Variants in SNRNP70 observed in about 807,000 individuals in gnomAD.
SNRNP70 encodes the protein U1 small nuclear ribonucleoprotein 70 kDa.
SNRNP70 carries 8 observed loss-of-function variants against 50.5 expected under a neutral mutation model. The ratio of observed to expected loss-of-function variants is 0.16; its 90% CI spans 0.09 to 0.29. SNRNP70 has a LOEUF of 0.29. Ranked by LOEUF, SNRNP70 falls within the 10% of genes least tolerant of loss-of-function variation. The pLI is 1.00. For synonymous variants in SNRNP70, 320 were observed against 252.9 expected (o/e 1.27, Z -2.52); for missense variants, 529 against 663.5 (o/e 0.80, Z 2.23).
In SNRNP70 at chr19:49,085,539, C is replaced by G. The variant is rs1372891463; in HGVS notation, c.-108C>G. 1 of 455,992 alleles carries G rather than the reference C, an allele frequency of 2.2e-6. No individual in the cohort carries two copies. The highest frequency in any genetic ancestry group is 2.3e-5 in the Admixed American group (1 of 42,572). The allele number at this position is 455,992 out of a possible 1,614,324, so 28.2% of individuals were successfully genotyped here. ...CGGAATCAGACGGACGTGGACGCCC[C>G]CGGAGTGGAAGCCGAAGCAGGAGTT... On this transcript the variant is annotated 5_prime_UTR_variant, in exon 1 of 10. Transcript: ENST00000598441.
chr19:49,107,644 C>G lies in SNRNP70; in HGVS notation c.597C>G (p.Thr199=). 2.5e-6 allele frequency: 4 copies of G among 1,614,108 alleles called. No homozygotes were observed. Among genetic ancestry groups the G allele is most frequent in the Non-Finnish European group, 3.4e-6 (4 of 1,179,986 alleles). The change falls in exon 9 of 10, where the codon ACC becomes ACG. Residue 199 remains threonine, a synonymous_variant. Coordinates refer to ENST00000598441, the MANE Select transcript of SNRNP70 (RefSeq NM_003089.6). This position sits in a 1 kb window ranked among gnomAD's most constrained non-coding sequence, Gnocchi z 6.0. ...PRRLGGGLGG[T]RRGGADVNIR... The stretch of plus-strand genomic sequence containing the variant: ...CCCCAGGAGGAGGCCTCGGTGGTAC[C>G]AGAAGAGGAGGGGCTGATGTGAACA...
rs145334021 is a variant in SNRNP70 at position 49,087,041 on chromosome 19, G to A, written c.147+480G>A. 6.3e-3 allele frequency among the ~76,000 whole-genome samples: 957 copies of A among 151,886 alleles called. 9 individuals carry two copies. Among genetic ancestry groups the A allele is most frequent in the African/African-American group, 0.022 (926 of 41,390 alleles). On this transcript the variant is annotated intron_variant, in intron 2 of 9. Transcript: ENST00000598441. ...TCTCTGCTAAAAATAACAAAAATTAGCCGGACATGGTGCCTGTAATTCCAG... is the reference window on the plus strand; with the variant it reads ...TCTCTGCTAAAAATAACAAAAATTAACCGGACATGGTGCCTGTAATTCCAG...
At chr19:49,096,422 T>G (rs1279868899) in intron 4 of SNRNP70, among the ~76,000 whole-genome samples, 1 of 152,150 alleles carries the variant, frequency 6.6e-6, no homozygotes. Flanking sequence ...ACGTTTCCAT[T>G]TGTCCCAGAT....
Position 49,108,294 on chromosome 19 carries a change from A to G in SNRNP70, c.1165A>G (p.Arg389Gly). ...GGGGGAGCGGGGCAGTGAGCGGGGC[A>G]GGGATGAGGCCCGAGGTGGGGGCGG... ...KRGERGSERG[R>G]DEARGGGGGQ... is the part of the protein sequence containing the mutation. The change falls in exon 10 of 10, where the codon AGG becomes GGG. Residue 389 changes from arginine to glycine, a missense_variant. Coordinates refer to ENST00000598441, the MANE Select transcript of SNRNP70 (RefSeq NM_003089.6). 6.3e-7 allele frequency: 1 copy of G among 1,577,352 alleles called. No individual in the cohort carries two copies. The highest frequency in any genetic ancestry group is 8.6e-7 in the Non-Finnish European group (1 of 1,162,786).
At chr19:49,088,489 G>A (rs1274992201) in intron 2 of SNRNP70, among the ~76,000 whole-genome samples, 5 of 131,466 alleles carry the variant, frequency 3.8e-5, no homozygotes, top group Non-Finnish European at 8.1e-5. Flanking sequence ...GTGAGCCACC[G>A]CACCCGACCT....
At chr19:49,094,900 C>A (rs903192851) in intron 4 of SNRNP70, among the ~76,000 whole-genome samples, 1 of 152,206 alleles carries the variant, frequency 6.6e-6, no homozygotes, top group Non-Finnish European at 1.5e-5. Flanking sequence ...CAAGATGGGA[C>A]CTCGAGTACC....
At chr19:49,102,533 A>G in intron 7 of SNRNP70, 1 of 206,126 alleles carries the variant, frequency 4.9e-6, no homozygotes, top group Admixed American at 5.1e-5. Flanking sequence ...GGAGCCCTTC[A>G]GCCTTCCCTC....
chr19:49,087,334 C>A (rs1422728671), intron 2 of SNRNP70, among the ~76,000 whole-genome samples: 1 of 152,078 alleles, frequency 6.6e-6, no homozygotes, highest in African/African-American at 2.4e-5. Context: ...GCATTGGTTT[C>A]TTTATCTTTA....
At chr19:49,099,814 G>A (rs1348517624) in intron 6 of SNRNP70, among the ~76,000 whole-genome samples, 1 of 152,154 alleles carries the variant, frequency 6.6e-6, no homozygotes, top group Non-Finnish European at 1.5e-5. Context: ...GGGCGAGGCA[G>A]GCAGATCACC....
At chr19:49,101,526 CCCAG>C (rs1365202512) in intron 7 of SNRNP70, 55 bp downstream of exon 7, 47 of 1,217,646 alleles carry the variant, frequency 3.9e-5, no homozygotes, top group Non-Finnish European at 5.7e-5. Flanking sequence ...TCTCTGCTGC[CCCAG>C]CCCCTCCCAG....
rs1159371881 is a variant in SNRNP70, at chr19:49,107,536, T to C, written c.578-89T>C. On this transcript the variant is annotated intron_variant, in intron 8 of 9. Transcript: ENST00000598441. This position sits in a 1 kb window ranked among gnomAD's most constrained non-coding sequence, Gnocchi z 6.0. ...AACACTAAGCCAGGGGCTGCCTTCC[T>C]GCCCTTTGCTCTTGGAGTCGGCTCA... is the stretch of plus-strand genomic sequence containing the variant. 1 of 1,282,580 alleles carries C rather than the reference T, an allele frequency of 7.8e-7. No individual in the cohort carries two copies. The highest frequency in any genetic ancestry group is 1.2e-5 in the South Asian group (1 of 82,500). The allele number at this position is 1,282,580 out of a possible 1,614,324, so 79.4% of individuals were successfully genotyped here.
At chr19:49,101,600 T>C (rs1251738370) in intron 7 of SNRNP70, 129 bp downstream of exon 7, 5 of 482,694 alleles carry the variant, frequency 1.0e-5, no homozygotes, top group Non-Finnish European at 3.9e-6. Flanking sequence ...TCCTCCTCCC[T>C]CTGTTTCTGA....
intron 1 of SNRNP70, 84 bp from the exon 2 acceptor site, chr19:49,086,321 T>A: frequency 7.0e-7 from 1 of 1,434,582 alleles, no homozygotes; most frequent in Non-Finnish European, 9.4e-7. Flanking sequence ...CTCCTGTCTT[T>A]CTTATTTTGA....
chr19:49,094,161 TTTAAAA>T (rs533226011), intron 4 of SNRNP70, among the ~76,000 whole-genome samples: 8 of 152,062 alleles, frequency 5.3e-5, no homozygotes, highest in Non-Finnish European at 1.2e-4. Context: ...GGTTATGATG[TTTAAAA>T]GCCTTTGTTA....
chr19:49,098,573 AG>A lies in SNRNP70; in HGVS notation c.331-65del, dbSNP rs2040541869. On this transcript the variant is annotated intron_variant, in intron 5 of 9. Coordinates refer to ENST00000598441, the MANE Select transcript of SNRNP70 (RefSeq NM_003089.6). ...CACAAAGGTCAAATAGGCTAGGTACAGGGGAATGTTCCAGGGGCTGTGGGAC... is the reference window on the plus strand; with the variant it reads ...CACAAAGGTCAAATAGGCTAGGTACAGGGAATGTTCCAGGGGCTGTGGGAC... 3.1e-6 allele frequency: 5 copies of A among 1,593,082 alleles called. No homozygotes were observed. The Admixed American group carries it at 5.0e-5, about 16-fold the overall frequency.
In SNRNP70 at chr19:49,108,184, G is replaced by A. The variant is rs1269756666; in HGVS notation, c.1055G>A (p.Arg352Gln). Residue 352 changes from arginine (R) to glutamine (Q), a missense_variant, in exon 10 of 10, where the codon CGG (arginine) becomes CAG (glutamine). By Grantham distance (43) the Arg-to-Gln change is conservative. Transcript: ENST00000598441. ...GAGGAAAAGGGCCGGGATCGTGACCGGGAGCGACGGCGGAGCCACCGGAGC... is the reference window on the plus strand; with the variant it reads ...GAGGAAAAGGGCCGGGATCGTGACCAGGAGCGACGGCGGAGCCACCGGAGC... ...GPEEKGRDRD[R>Q]ERRRSHRSER... 4.6e-6 allele frequency: 7 copies of A among 1,536,664 alleles called. No individual in the cohort carries two copies. The highest frequency in any genetic ancestry group is 1.7e-4 in the Middle Eastern group (1 of 5,932).
At chr19:49,097,471 C>A (rs965689079) in intron 4 of SNRNP70, among the ~76,000 whole-genome samples, 2 of 152,186 alleles carry the variant, frequency 1.3e-5, no homozygotes, top group African/African-American at 4.8e-5. Context: ...CTGCTCGGGT[C>A]ATCACCAGGG....
At chr19:49,093,976 T>G (rs1034368949) in intron 4 of SNRNP70, among the ~76,000 whole-genome samples, 17 of 152,074 alleles carry the variant, frequency 1.1e-4, no homozygotes, top group African/African-American at 3.9e-4. Context: ...TGAGCAGAGA[T>G]AGCGCCATTA....
At chr19:49,101,582 G>C in intron 7 of SNRNP70, 111 bp downstream of exon 7, 1 of 724,350 alleles carries the variant, frequency 1.4e-6, no homozygotes, top group Non-Finnish European at 2.5e-6. Context: ...CATTAGCGAT[G>C]TCTCTTCTCC....
Sources: allele counts gnomAD v4.1 joint callset (sites outside exome capture counted in the v4.1 genomes callset), GRCh38; gene constraint gnomAD v4.1.1; non-coding constraint Gnocchi (gnomAD v3.1); transcripts MANE v1.5; gene names NCBI Gene and HGNC (gene_info 2026-07-23, HGNC 2026-07-21).